NEBL: variants seen among roughly 807,000 people sequenced by gnomAD.
NEBL encodes LIM and SH3 protein 2.
In NEBL, 122 loss-of-function variants were observed where a neutral mutation model predicts 140.2. The ratio of observed to expected loss-of-function variants is 0.87; its 90% CI spans 0.75 to 1.01. The LOEUF (loss-of-function observed/expected upper bound fraction) is 1.01. NEBL is among the 50% of genes least tolerant of loss of function. The probability of loss-of-function intolerance (pLI) is 0.00; values close to 1 mark genes in which losing one functional copy is unlikely to be tolerated. For missense variants in NEBL, 1,365 were observed against 1,231.3 expected (o/e 1.11, Z -1.62); for synonymous variants, 436 against 398.9 (o/e 1.09, Z -1.11).
At chr10:21,219,983 G>T (rs188837203) in intron 3 of NEBL, among the ~76,000 whole-genome samples, 1 of 151,250 alleles carries the variant, frequency 6.6e-6, no homozygotes, top group South Asian at 2.1e-4. Flanking sequence ...GGACGATCTC[G>T]GCTCACTGCA....
chr10:21,120,679 GCAAA>G (rs1838527068), intron 2 of NEBL, among the ~76,000 whole-genome samples: 1 of 27,022 alleles, frequency 3.7e-5, no homozygotes, highest in African/African-American at 1.6e-4. Context: ...TTTCATGACA[GCAAA>G]AAAAAAAAAA....
chr10:21,276,777 C>T (rs1334293201), intron 1 of NEBL, among the ~76,000 whole-genome samples: 2 of 152,006 alleles, frequency 1.3e-5, no homozygotes, highest in Non-Finnish European at 1.5e-5. Context: ...GAGACCAGCC[C>T]GGCCAACATG....
chr10:21,192,635 A>C (rs998296134), intron 3 of NEBL, among the ~76,000 whole-genome samples: 64 of 151,788 alleles, frequency 4.2e-4, no homozygotes, highest in African/African-American at 1.5e-3. Flanking sequence ...ACTTGAGTTC[A>C]GGAGTTCGAG....
intron 2 of NEBL, among the ~76,000 whole-genome samples, chr10:21,033,288 A>C (rs1202721873): frequency 6.6e-6 from 1 of 152,236 alleles, no homozygotes; most frequent in Non-Finnish European, 1.5e-5. Flanking sequence ...CATTAGAAGC[A>C]CAAGAAGGAT....
At chr10:21,281,879 A>G (rs983254444) in intron 1 of NEBL, among the ~76,000 whole-genome samples, 1 of 152,138 alleles carries the variant, frequency 6.6e-6, no homozygotes, top group Admixed American at 6.5e-5. Context: ...TACTGTATCC[A>G]TAGTTTTGCC....
intron 2 of NEBL, among the ~76,000 whole-genome samples, chr10:21,020,881 G>C (rs775876822): frequency 6.6e-6 from 1 of 151,958 alleles, no homozygotes; most frequent in African/African-American, 2.4e-5. Flanking sequence ...CCATCACCTG[G>C]GGATCACATC....
chr10:21,064,857 G>A (rs1273073038), intron 2 of NEBL, among the ~76,000 whole-genome samples: 1 of 151,522 alleles, frequency 6.6e-6, no homozygotes, highest in East Asian at 1.9e-4. Context: ...CTTACAGACA[G>A]ATCATAAAAA....
At chr10:21,255,305 G>A (rs530024877) in intron 1 of NEBL, among the ~76,000 whole-genome samples, 3 of 152,170 alleles carry the variant, frequency 2.0e-5, no homozygotes, top group South Asian at 2.1e-4. Flanking sequence ...AAGACCCGTG[G>A]AGGAACCAAG....
intron 3 of NEBL, among the ~76,000 whole-genome samples, chr10:21,238,716 TAAAAAA>T (rs35732687): frequency 1.4e-4 from 13 of 94,484 alleles, no homozygotes; most frequent in Admixed American, 6.9e-4. Flanking sequence ...TCAAAAAAAT[TAAAAAA>T]AAAAAAAAAA....
At chr10:20,917,415 C>A (rs914038180) in intron 4 of NEBL, among the ~76,000 whole-genome samples, 31 of 152,142 alleles carry the variant, frequency 2.0e-4, no homozygotes, top group African/African-American at 6.0e-4. Flanking sequence ...TACCCATTGG[C>A]GTCACAACAG....
intron 1 of NEBL, among the ~76,000 whole-genome samples, chr10:21,278,321 A>G (rs1304064404): frequency 1.3e-5 from 2 of 152,092 alleles, no homozygotes; most frequent in African/African-American, 2.4e-5. Flanking sequence ...GCGTGCACCT[A>G]TCATCCCAGC....
chr10:20,962,537 A>G (rs1043228119), intron 3 of NEBL, among the ~76,000 whole-genome samples: 3 of 152,210 alleles, frequency 2.0e-5, no homozygotes, highest in Non-Finnish European at 2.9e-5. Flanking sequence ...ATGGAGCTGA[A>G]TTTTACTGTT....
chr10:21,223,986 T>C (rs1318019469), intron 3 of NEBL, among the ~76,000 whole-genome samples: 1 of 152,254 alleles, frequency 6.6e-6, no homozygotes, highest in African/African-American at 2.4e-5. Flanking sequence ...GCAGATTGTC[T>C]CTTCACTTCG....
chr10:21,251,410 A>G (rs781728454), intron 2 of NEBL, among the ~76,000 whole-genome samples: 2 of 152,160 alleles, frequency 1.3e-5, no homozygotes, highest in African/African-American at 2.4e-5. Flanking sequence ...AGTTAGGTCA[A>G]TCTCTTTCAG....
rs1464010769 is a variant in NEBL, at chr10:20,888,179, T to G, written c.287A>C (p.Asp96Ala). The change falls in exon 4 of 28, where the codon GAC becomes GCC. Residue 96 changes from aspartate (D) to alanine (A), a missense_variant. Physicochemically the swap from Asp to Ala is moderately radical, Grantham distance 126. Coordinates refer to ENST00000377122, the MANE Select transcript of NEBL (RefSeq NM_006393.3). ...EAKYKGTIKA[D>A]LSNSLYKRMP... ...CCGCTTATAAAGAGAATTAGAAAGG[T>G]CAGCTTTAATGGTGCCTTTGTATTT... is the stretch of plus-strand genomic sequence containing the variant. 2 of 1,612,988 alleles carry G rather than the reference T, an allele frequency of 1.2e-6. No homozygotes were observed. Among genetic ancestry groups the G allele is most frequent in the African/African-American group, 2.7e-5 (2 of 74,748 alleles).
Position 20,954,725 on chromosome 10 carries a change from G to A in NEBL, c.357+6947C>T, listed in dbSNP as rs147259591. Among the ~76,000 whole-genome samples, 1,120 of 151,934 alleles carry A rather than the reference G, an allele frequency of 7.4e-3. 8 individuals are homozygous for A. The highest frequency in any genetic ancestry group is 0.013 in the Non-Finnish European group (855 of 67,940). On this transcript the variant is annotated intron_variant, in intron 4 of 6. Coordinates refer to the NEBL transcript ENST00000417816. ...GGCCTGGCTCCCCCACCACCACCCCGCCCCCTCTGCAAACAGCACAAACTT... is the reference window on the plus strand; with the variant it reads ...GGCCTGGCTCCCCCACCACCACCCCACCCCCTCTGCAAACAGCACAAACTT...
intron 3 of NEBL, among the ~76,000 whole-genome samples, chr10:21,000,252 G>C (rs1834421342): frequency 6.6e-6 from 1 of 151,610 alleles, no homozygotes; most frequent in African/African-American, 2.4e-5. Context: ...GGGAGCTGCA[G>C]CTACCACAAC....
chr10:21,206,502 G>T (rs779049152), intron 3 of NEBL, among the ~76,000 whole-genome samples: 43 of 152,198 alleles, frequency 2.8e-4, no homozygotes, highest in Non-Finnish European at 1.2e-4. Flanking sequence ...AACCAGGGGG[G>T]TAGAAACTGT....
intron 2 of NEBL, among the ~76,000 whole-genome samples, chr10:21,075,729 A>G (rs1035640108): frequency 1.3e-5 from 2 of 152,214 alleles, no homozygotes; most frequent in African/African-American, 4.8e-5. Flanking sequence ...TCAACCATTT[A>G]AATCGTCAGT....
Sources: gnomAD v4.1 joint callset for allele counts (sites outside exome capture counted in the v4.1 genomes callset) on GRCh38, gnomAD v4.1.1 for gene constraint, MANE v1.5 for transcripts, NCBI Gene and HGNC (gene_info 2026-07-23, HGNC 2026-07-21) for gene names.